The following FAT1 variants were observed in gnomAD, a reference collection of about 807,000 sequenced individuals.
FAT1 encodes FAT atypical cadherin 1.
FAT1 carries 171 observed loss-of-function variants against 329.8 expected under a neutral mutation model. The observed-to-expected ratio is 0.52, with a 90% CI of 0.46 to 0.59. The LOEUF is 0.59. Among genes scored for constraint, FAT1 ranks in the 20% least tolerant of loss-of-function variants. The pLI is 0.00. For missense variants in FAT1, 5,672 were observed against 5,774.4 expected, an observed-to-expected ratio of 0.98 and a Z score of 0.57; for synonymous variants, 2,233 against 2,228.6, an observed-to-expected ratio of 1.00 and a Z score of -0.06.
Position 186,723,231 on chromosome 4 carries a change from C to T in FAT1, c.-19+433G>A, listed in dbSNP as rs557506614. Among the ~76,000 whole-genome samples the T allele has an allele frequency of 3.3e-5, 5 of 152,384 alleles. No homozygotes were observed. In the South Asian group the frequency reaches 6.2e-4, roughly 19 times the overall value. Reference sequence around the variant, plus strand: ...GTTGCATCTGCACCTCCGGGCAGCGCTCCTGCAGGGCGCAAACACCCAGAG... The same window carrying T: ...GTTGCATCTGCACCTCCGGGCAGCGTTCCTGCAGGGCGCAAACACCCAGAG... On this transcript the variant is annotated intron_variant, in intron 1 of 26. Coordinates refer to ENST00000441802, the MANE Select transcript of FAT1 (RefSeq NM_005245.4).
intron 1 of FAT1, among the ~76,000 whole-genome samples, chr4:186,712,265 G>A (rs939728787): frequency 6.6e-6 from 1 of 152,166 alleles, no homozygotes; most frequent in African/African-American, 2.4e-5. Context: ...GAAAAGTCTA[G>A]GCAGACAAGC....
intron 3 of FAT1, among the ~76,000 whole-genome samples, chr4:186,644,256 A>G (rs774885149): frequency 1.3e-5 from 2 of 152,250 alleles, no homozygotes; most frequent in Non-Finnish European, 2.9e-5. Context: ...GGAATGACTC[A>G]TCATTAGTCA....
chr4:186,694,653 G>A (rs1197988613), intron 2 of FAT1, among the ~76,000 whole-genome samples: 4 of 152,096 alleles, frequency 2.6e-5, no homozygotes, highest in Admixed American at 2.0e-4. Context: ...CTCCACAGAA[G>A]TAACCAAGAC....
intron 23 of FAT1, 61 bp downstream of exon 23, chr4:186,597,911 A>T: frequency 6.4e-7 from 1 of 1,573,622 alleles, no homozygotes; most frequent in Non-Finnish European, 8.7e-7. Flanking sequence ...TACATGTACC[A>T]TTATATGTTT....
intron 2 of FAT1, among the ~76,000 whole-genome samples, chr4:186,674,483 G>C (rs1742857723): frequency 6.6e-6 from 1 of 152,160 alleles, no homozygotes; most frequent in Non-Finnish European, 1.5e-5. Context: ...AGCCAGGTCT[G>C]ACTCTCATCA....
chr4:186,714,978 A>T (rs1299079574), intron 1 of FAT1, among the ~76,000 whole-genome samples: 2 of 152,178 alleles, frequency 1.3e-5, no homozygotes, highest in East Asian at 3.9e-4. Flanking sequence ...CTTGGGAGGC[A>T]GAGGCAGGAG....
chr4:186,597,855 CAG>C (rs758495731), intron 23 of FAT1, 63 bp from the exon 24 acceptor site: 291 of 1,575,816 alleles, frequency 1.8e-4, no homozygotes, highest in Non-Finnish European at 2.5e-4. Context: ...TACAGCAAAA[CAG>C]AAAGCAAAAC....
At chr4:186,636,968 G>A (rs2126565641) in intron 4 of FAT1, 54 bp from the exon 5 acceptor site, 7 of 1,472,934 alleles carry the variant, frequency 4.8e-6, no homozygotes, top group Non-Finnish European at 5.5e-6. Context: ...TATAAAAAGT[G>A]AGCATCTTCT....
chr4:186,698,344 G>A (rs976228740), intron 2 of FAT1, among the ~76,000 whole-genome samples: 13 of 152,166 alleles, frequency 8.5e-5, no homozygotes, highest in African/African-American at 2.4e-4. Flanking sequence ...GAGACCCCAC[G>A]ATGGCTTACC....
Position 186,606,077 on chromosome 4 carries a change from A to T in FAT1, c.10343T>A (p.Ile3448Asn), listed in dbSNP as rs2126446977. ...TTGGCACTCGAAGCCCACCTGGATA[A>T]TGACACTGTAGTTTCCCCTGGAGAA... ...PVFSRGNYSV[I>N]IQENKPVGFS... Residue 3448 changes from isoleucine (I) to asparagine (N), a missense_variant, in exon 17 of 27, where the codon ATT becomes AAT. Physicochemically the swap from Ile to Asn is moderately radical, Grantham distance 149. Transcript: ENST00000441802. 6.2e-7 allele frequency: 1 copy of T among 1,612,986 alleles called. No homozygotes were observed. Among genetic ancestry groups the T allele is most frequent in the Non-Finnish European group, 8.5e-7 (1 of 1,179,760 alleles).
At chr4:186,650,043 T>C (rs1741560493) in intron 3 of FAT1, among the ~76,000 whole-genome samples, 1 of 152,216 alleles carries the variant, frequency 6.6e-6, no homozygotes, top group Non-Finnish European at 1.5e-5. Context: ...GTTTTATGGC[T>C]TGGTAGGCTT....
At chr4:186,627,888 T>A (rs532813964) in intron 9 of FAT1, among the ~76,000 whole-genome samples, 1 of 152,248 alleles carries the variant, frequency 6.6e-6, no homozygotes, top group Admixed American at 6.5e-5. Context: ...TCAAATAAAG[T>A]TTCCTCTACT....
chr4:186,632,256 T>C (rs962784634), intron 7 of FAT1, among the ~76,000 whole-genome samples: 16 of 152,186 alleles, frequency 1.1e-4, no homozygotes, highest in Admixed American at 7.9e-4. Context: ...GCACTGTTAA[T>C]TATTCATAGA....
At chr4:186,622,178 A>G (rs1411890984) in intron 9 of FAT1, among the ~76,000 whole-genome samples, 4 of 152,238 alleles carry the variant, frequency 2.6e-5, no homozygotes, top group Non-Finnish European at 5.9e-5. Flanking sequence ...TATGACTTAC[A>G]AATTCTTAAG....
In FAT1 at chr4:186,705,024, A is replaced by T. The variant is rs140692817; in HGVS notation, c.3265+1539T>A. Among the ~76,000 whole-genome samples, 413 of 139,392 alleles carry T rather than the reference A, an allele frequency of 3.0e-3. 1 individual carries two copies. Among genetic ancestry groups the T allele is most frequent in the African/African-American group, 0.011 (383 of 35,564 alleles). 91.4% of individuals were successfully genotyped at this position (139,392 alleles called of 152,430 possible). ...CAACGGCACAATCACAGCTCACTCC[A>T]GCCTCGACCTCCTGGACTCAAGCCA... On this transcript the variant is annotated intron_variant, in intron 2 of 26. Coordinates refer to ENST00000441802, the MANE Select transcript of FAT1 (RefSeq NM_005245.4).
chr4:186,631,437 T>A (rs1296184144), intron 7 of FAT1, among the ~76,000 whole-genome samples: 1 of 150,814 alleles, frequency 6.6e-6, no homozygotes, highest in East Asian at 2.0e-4. Flanking sequence ...TATCCTAGTG[T>A]CTCACCGTCC....
chr4:186,630,142 A>G (rs1740519154), intron 7 of FAT1, among the ~76,000 whole-genome samples: 1 of 152,210 alleles, frequency 6.6e-6, no homozygotes. Context: ...CTGCCCTCAT[A>G]GAGCCACCAG....
chr4:186,649,882 C>T (rs1169799930), intron 3 of FAT1, among the ~76,000 whole-genome samples: 1 of 152,150 alleles, frequency 6.6e-6, no homozygotes, highest in Non-Finnish European at 1.5e-5. Context: ...TCTGGATATA[C>T]ATACTAATAC....
In FAT1 at chr4:186,636,031, T is replaced by C. The variant is rs753226094; in HGVS notation, c.4177A>G (p.Ile1393Val). ...AATGAGGGGGAATGCTTACCAGTGA[T>C]GTCAAACCAAAGGGGTATGCCAGGA... ...EPPGIPLWFD[I>V]TGGNYDSHFD... is the part of the protein sequence containing the mutation. The change falls in exon 6 of 27, where the codon ATC becomes GTC. Residue 1393 changes from isoleucine to valine, a missense_variant. Ile to Val is a conservative substitution (Grantham distance 29). Transcript: ENST00000441802. The C allele has an allele frequency of 1.5e-4, 244 of 1,613,964 alleles. 2 individuals carry two copies. The South Asian group carries it at 1.8e-3, about 12-fold the overall frequency.
Sources: allele counts gnomAD v4.1 joint callset (sites outside exome capture counted in the v4.1 genomes callset), GRCh38; gene constraint gnomAD v4.1.1; transcripts MANE v1.5; gene names NCBI Gene and HGNC (gene_info 2026-07-23, HGNC 2026-07-21).